The following IER5L variants were observed in gnomAD, a reference collection of about 807,000 sequenced individuals.
IER5L encodes the protein immediate early response gene 5-like protein.
In IER5L, 6 loss-of-function variants were observed where a neutral mutation model predicts 28.3. The ratio of observed to expected loss-of-function variants is 0.21; its 90% confidence interval spans 0.12 to 0.42. IER5L has a LOEUF of 0.42. IER5L is among the 10% of genes least tolerant of loss of function. The pLI, the probability that IER5L is intolerant of heterozygous loss-of-function variation, is 1.00. For synonymous variants in IER5L, 351 were observed against 282.5 expected, an observed-to-expected ratio of 1.24 and a Z score of -2.43; for missense variants, 607 against 575.2, an observed-to-expected ratio of 1.06 and a Z score of -0.56.
rs1028138343 is a variant in IER5L at position 129,178,108 on chromosome 9, T to C, written c.-56A>G. 2.3e-6 allele frequency: 3 copies of C among 1,333,030 alleles called. No individual in the cohort carries two copies. Among genetic ancestry groups the C allele is most frequent in the African/African-American group, 3.1e-5 (2 of 64,908 alleles). The allele number at this position is 1,333,030 out of a possible 1,614,324, so 82.6% of individuals were successfully genotyped here. ...CCGCCGCTGCTGCTGTTAACGCTTC[T>C]GCTGTTTCTGCCTCCAGCCGGCCGC... On this transcript the variant is annotated 5_prime_UTR_variant, in exon 1 of 1. Coordinates refer to ENST00000372491, the MANE Select transcript of IER5L (RefSeq NM_203434.3).
rs1027996347 is a variant in IER5L at position 129,177,610 on chromosome 9, CCCGCGGGCGCTCCGG to C, written c.428_442del (p.Ala143_Ala147del). On this transcript the variant is annotated inframe_deletion, in exon 1 of 1. Coordinates refer to ENST00000372491, the MANE Select transcript of IER5L (RefSeq NM_203434.3). ...CAGCTCCGAGAGCGCCCCCGCGCCG[CCCGCGGGCGCTCCGG>C]CCGCCGCCGCCGCCGCGCAGCCCCT... 7 of 1,061,910 alleles carry C rather than the reference CCCGCGGGCGCTCCGG, an allele frequency of 6.6e-6. No individual in the cohort carries two copies. Among genetic ancestry groups the C allele is most frequent in the East Asian group, 7.7e-5 (1 of 12,916 alleles). 65.8% of individuals were successfully genotyped at this position (1,061,910 alleles called of 1,614,324 possible). A position where few individuals can be genotyped will look rare whatever the true frequency, so the allele number is the denominator to read the frequency against.
rs1829437819 is a variant in IER5L, at chr9:129,177,809, T to C, written c.244A>G (p.Met82Val). 1.3e-6 allele frequency: 2 copies of C among 1,506,884 alleles called. No homozygotes were observed. Among genetic ancestry groups the C allele is most frequent in the Non-Finnish European group, 8.8e-7 (1 of 1,131,760 alleles). 93.3% of individuals were successfully genotyped at this position (1,506,884 alleles called of 1,614,324 possible). The stretch of plus-strand genomic sequence containing the variant: ...CCGAAGTCGGCCGCGCTGGCCGGCA[T>C]GCCCGGCGCCGCGTACGCTAGGTGC... ...HQHLAYAAPG[M>V]PASAADFGPL... The change falls in exon 1 of 1, where the codon ATG (methionine) becomes GTG (valine). Residue 82 changes from methionine to valine, a missense_variant. Met to Val is a conservative substitution (Grantham distance 21). Transcript: ENST00000372491.
chr9:129,176,257 T>C lies in IER5L; in HGVS notation c.*581A>G, dbSNP rs1156659585. The C allele has an allele frequency of 6.6e-6, 1 of 152,192 alleles. No individual in the cohort carries two copies. Among genetic ancestry groups the C allele is most frequent in the Non-Finnish European group, 1.5e-5 (1 of 68,020 alleles). The allele number at this position is 152,192 out of a possible 1,614,324, so 9.4% of individuals were successfully genotyped here. A position where few individuals can be genotyped will look rare whatever the true frequency, so the allele number is the denominator to read the frequency against. On this transcript the variant is annotated 3_prime_UTR_variant, in exon 1 of 1. Transcript: ENST00000372491. The stretch of plus-strand genomic sequence containing the variant: ...TTTCTGCCTTCTCATTTTGAGAACT[T>C]TGGAGTCCGCCCCCAGAGAGGAAAT...
chr9:129,177,212 G>T lies in IER5L; in HGVS notation c.841C>A (p.His281Asn). ...GCGCCCTGGCCACAGCAGGGGCAGT[G>T]GGCGGAGGCGCAGCAGTCCTGGTGC... is the stretch of plus-strand genomic sequence containing the variant. ...YLHQDCCASA[H>N]CPCCGQGAPG... The change falls in exon 1 of 1, where the codon CAC becomes AAC. Residue 281 changes from histidine (H) to asparagine (N), a missense_variant. By Grantham distance (68) the His-to-Asn change is moderately conservative. Coordinates refer to ENST00000372491, the MANE Select transcript of IER5L (RefSeq NM_203434.3). 3 of 1,473,346 alleles carry T rather than the reference G, an allele frequency of 2.0e-6. No homozygotes were observed. The highest frequency in any genetic ancestry group is 2.7e-6 in the Non-Finnish European group (3 of 1,120,610). 91.3% of individuals were successfully genotyped at this position (1,473,346 alleles called of 1,614,324 possible).
In IER5L at chr9:129,177,354, G is replaced by C. The variant is rs532686450; in HGVS notation, c.699C>G (p.Pro233=). 3 of 1,306,394 alleles carry C rather than the reference G, an allele frequency of 2.3e-6. No homozygotes were observed. The highest frequency in any genetic ancestry group is 2.8e-5 in the South Asian group (1 of 35,108). 80.9% of individuals were successfully genotyped at this position (1,306,394 alleles called of 1,614,324 possible). A position where few individuals can be genotyped will look rare whatever the true frequency, so the allele number is the denominator to read the frequency against. ...PPASPAPASS[P]GFYRGAYPTP... is the part of the protein sequence containing the mutation. ...TAGGGTATGCGCCCCGGTAGAAGCC[G>C]GGGGAGGAGGCGGGGGCCGGGGAGG... Residue 233 remains proline, a synonymous_variant, in exon 1 of 1, where the codon CCC becomes CCG. Coordinates refer to ENST00000372491, the MANE Select transcript of IER5L (RefSeq NM_203434.3).
rs1280269363 is a variant in IER5L, at chr9:129,177,857, G to T, written c.196C>A (p.Gln66Lys). The stretch of plus-strand genomic sequence containing the variant: ...TGCTGGTGCTGGTGGTGGGGCGGCT[G>T]CTGCTGTTGCTGCTGCTGCTGGCGC... ...YRRQQQQQQQ[Q>K]PPHHQHQHLA... Residue 66 changes from glutamine to lysine, a missense_variant, in exon 1 of 1, where the codon CAG (glutamine) becomes AAG (lysine). Transcript: ENST00000372491. 6.5e-7 allele frequency: 1 copy of T among 1,540,638 alleles called. No homozygotes were observed. The highest frequency in any genetic ancestry group is 8.7e-7 in the Non-Finnish European group (1 of 1,144,178).
chr9:129,177,356 G>A lies in IER5L; in HGVS notation c.697C>T (p.Pro233Ser). The A allele has an allele frequency of 1.5e-6, 2 of 1,305,578 alleles. No homozygotes were observed. Among genetic ancestry groups the A allele is most frequent in the Non-Finnish European group, 9.7e-7 (1 of 1,026,612 alleles). 80.9% of individuals were successfully genotyped at this position (1,305,578 alleles called of 1,614,324 possible). A position where few individuals can be genotyped will look rare whatever the true frequency, so the allele number is the denominator to read the frequency against. ...PPASPAPASS[P>S]GFYRGAYPTP... ...GGGTATGCGCCCCGGTAGAAGCCGG[G>A]GGAGGAGGCGGGGGCCGGGGAGGCG... Residue 233 changes from proline to serine, a missense_variant, in exon 1 of 1, where the codon CCC (proline) becomes TCC (serine). Physicochemically the swap from Pro to Ser is moderately conservative, Grantham distance 74 (BLOSUM62 -1). Transcript: ENST00000372491.
At position 129,176,686 on chromosome 9, in the gene IER5L, A is replaced by T. The variant is rs1208890083; in HGVS notation, c.*152T>A. On this transcript the variant is annotated 3_prime_UTR_variant, in exon 1 of 1. Transcript: ENST00000372491. The stretch of plus-strand genomic sequence containing the variant: ...TAGATTTCTTTTTTTTTTATTTTAC[A>T]ATTTATAAAACATCAGCCGCCTGCC... 7 of 990,732 alleles carry T rather than the reference A, an allele frequency of 7.1e-6. No individual in the cohort carries two copies. The highest frequency in any genetic ancestry group is 9.4e-6 in the Non-Finnish European group (7 of 742,382). 61.4% of individuals were successfully genotyped at this position (990,732 alleles called of 1,614,324 possible). A position where few individuals can be genotyped will look rare whatever the true frequency, so the allele number is the denominator to read the frequency against.
Position 129,177,445 on chromosome 9 carries a change from C to G in IER5L, c.608G>C (p.Arg203Pro), listed in dbSNP as rs1485388953. The G allele has an allele frequency of 3.4e-6, 4 of 1,162,194 alleles. No homozygotes were observed. Among genetic ancestry groups the G allele is most frequent in the Non-Finnish European group, 3.2e-6 (3 of 944,168 alleles). The allele number at this position is 1,162,194 out of a possible 1,614,324, so 72.0% of individuals were successfully genotyped here. ...APAALCPRDP[R>P]APAACSAPPG... ...GGGCGCGGAGCAGGCGGCCGGGGCG[C>G]GAGGGTCCCGCGGGCAGAGCGCAGC... is the stretch of plus-strand genomic sequence containing the variant. The change falls in exon 1 of 1, where the codon CGC (arginine) becomes CCC (proline). Residue 203 changes from arginine (R) to proline (P), a missense_variant. Arg to Pro is a moderately radical substitution (Grantham distance 103, BLOSUM62 -2). Coordinates refer to ENST00000372491, the MANE Select transcript of IER5L (RefSeq NM_203434.3).
rs1296490457 is a variant in IER5L, at chr9:129,177,509, G to A, written c.544C>T (p.Pro182Ser). ...GGCAGCGGCAGCGGCAGCGGCGCAGGACCCGGCTGCAGAGGCTCCAAGGGC... is the reference window on the plus strand; with the variant it reads ...GGCAGCGGCAGCGGCAGCGGCGCAGAACCCGGCTGCAGAGGCTCCAAGGGC... ...GQPLEPLQPG[P>S]APLPLPLPPP... Residue 182 changes from proline to serine, a missense_variant, in exon 1 of 1, where the codon CCT becomes TCT. Coordinates refer to ENST00000372491, the MANE Select transcript of IER5L (RefSeq NM_203434.3). 9 of 990,956 alleles carry A rather than the reference G, an allele frequency of 9.1e-6. No homozygotes were observed. The highest frequency in any genetic ancestry group is 1.1e-5 in the Non-Finnish European group (9 of 835,888). The allele number at this position is 990,956 out of a possible 1,614,324, so 61.4% of individuals were successfully genotyped here. A position where few individuals can be genotyped will look rare whatever the true frequency, so the allele number is the denominator to read the frequency against.
At position 129,177,902 on chromosome 9, in the gene IER5L, G is replaced by C; in HGVS notation, c.151C>G (p.Arg51Gly). ...RNARQLYLSE[R>G]YAELYRRQQQ... ...TGGCGCCGGTAGAGCTCGGCGTAGC[G>C]CTCGCTCAGGTAGAGCTGGCGCGCG... The change falls in exon 1 of 1, where the codon CGC (arginine) becomes GGC (glycine). Residue 51 changes from arginine to glycine, a missense_variant. Arg to Gly is a moderately radical substitution (Grantham distance 125). Coordinates refer to ENST00000372491, the MANE Select transcript of IER5L (RefSeq NM_203434.3). 6.4e-7 allele frequency: 1 copy of C among 1,553,756 alleles called. No individual in the cohort carries two copies. The highest frequency in any genetic ancestry group is 8.7e-7 in the Non-Finnish European group (1 of 1,150,328).
Position 129,175,982 on chromosome 9 carries a change from A to C in IER5L, c.*856T>G, listed in dbSNP as rs1445221380. ...CCTCCCCCGGGGCCGCCGGGGATCC[A>C]GGTGAAGGAATTGACTTCCTTTTTT... On this transcript the variant is annotated 3_prime_UTR_variant, in exon 1 of 1. Transcript: ENST00000372491. This position sits in a 1 kb window ranked among gnomAD's most constrained non-coding sequence, Gnocchi z 5.2. The C allele has an allele frequency of 6.6e-6, 1 of 152,178 alleles. No individual in the cohort carries two copies. Among genetic ancestry groups the C allele is most frequent in the African/African-American group, 2.4e-5 (1 of 41,436 alleles). 9.4% of individuals were successfully genotyped at this position (152,178 alleles called of 1,614,324 possible). A position where few individuals can be genotyped will look rare whatever the true frequency, so the allele number is the denominator to read the frequency against.
Position 129,177,635 on chromosome 9 carries a change from C to A in IER5L, c.418G>T (p.Ala140Ser). ...CCCGCGGGCGCTCCGGCCGCCGCCG[C>A]CGCCGCGCAGCCCCTGGGCGCCGGG... ...QHPAPRGCAAAAAAGAPAGGA... is the reference protein window; with the variant it reads ...QHPAPRGCAASAAAGAPAGGA... The change falls in exon 1 of 1, where the codon GCG becomes TCG. Residue 140 changes from alanine (A) to serine (S), a missense_variant. Transcript: ENST00000372491. The A allele has an allele frequency of 8.4e-7, 1 of 1,191,930 alleles. No homozygotes were observed. Among genetic ancestry groups the A allele is most frequent in the South Asian group, 3.8e-5 (1 of 26,586 alleles). The allele number at this position is 1,191,930 out of a possible 1,614,324, so 73.8% of individuals were successfully genotyped here. A position where few individuals can be genotyped will look rare whatever the true frequency, so the allele number is the denominator to read the frequency against.
chr9:129,177,790 T>G lies in IER5L; in HGVS notation c.263A>C (p.Asp88Ala). The change falls in exon 1 of 1, where the codon GAC becomes GCC. Residue 88 changes from aspartate to alanine, a missense_variant. By Grantham distance (126) the Asp-to-Ala change is moderately radical. Coordinates refer to ENST00000372491, the MANE Select transcript of IER5L (RefSeq NM_203434.3). ...GCCGCCAAGTTGGAGCGGGCCGAAG[T>G]CGGCCGCGCTGGCCGGCATGCCCGG... Reference protein sequence around the residue: ...AAPGMPASAADFGPLQLGGGG... With the variant: ...AAPGMPASAAAFGPLQLGGGG... 2.0e-6 allele frequency: 3 copies of G among 1,490,188 alleles called. No homozygotes were observed. Among genetic ancestry groups the G allele is most frequent in the Non-Finnish European group, 2.7e-6 (3 of 1,125,410 alleles). 92.3% of individuals were successfully genotyped at this position (1,490,188 alleles called of 1,614,324 possible).
Position 129,176,976 on chromosome 9 carries a change from G to T in IER5L, c.1077C>A (p.Ile359=). The change falls in exon 1 of 1, where the codon ATC becomes ATA. Residue 359 remains isoleucine, a synonymous_variant. Coordinates refer to ENST00000372491, the MANE Select transcript of IER5L (RefSeq NM_203434.3). ...CCAGCCCCGAGAAGCCGGAGCCAAAGATGGAGATCAAGTTTGAGATGTTGG... is the reference window on the plus strand; with the variant it reads ...CCAGCCCCGAGAAGCCGGAGCCAAATATGGAGATCAAGTTTGAGATGTTGG... ...DASNISNLIS[I]FGSGFSGLVS... 1 of 1,603,250 alleles carries T rather than the reference G, an allele frequency of 6.2e-7. No individual in the cohort carries two copies. Among genetic ancestry groups the T allele is most frequent in the Non-Finnish European group, 8.5e-7 (1 of 1,176,194 alleles).
At position 129,176,666 on chromosome 9, in the gene IER5L, T is replaced by G; in HGVS notation, c.*172A>C. 1.1e-6 allele frequency: 1 copy of G among 923,584 alleles called. No individual in the cohort carries two copies. Among genetic ancestry groups the G allele is most frequent in the Non-Finnish European group, 1.5e-6 (1 of 681,788 alleles). 57.2% of individuals were successfully genotyped at this position (923,584 alleles called of 1,614,324 possible). A position where few individuals can be genotyped will look rare whatever the true frequency, so the allele number is the denominator to read the frequency against. On this transcript the variant is annotated 3_prime_UTR_variant, in exon 1 of 1. Coordinates refer to ENST00000372491, the MANE Select transcript of IER5L (RefSeq NM_203434.3). ...AAAAATAAAGTCCAAGATTTTAGAT[T>G]TCTTTTTTTTTTATTTTACAATTTA...
chr9:129,177,963 C>T lies in IER5L; in HGVS notation c.90G>A (p.Leu30=). 1.9e-6 allele frequency: 3 copies of T among 1,591,776 alleles called. No individual in the cohort carries two copies. Among genetic ancestry groups the T allele is most frequent in the Non-Finnish European group, 2.6e-6 (3 of 1,170,844 alleles). The change falls in exon 1 of 1, where the codon CTG becomes CTA. Residue 30 remains leucine, a synonymous_variant. Transcript: ENST00000372491. The part of the protein sequence containing the change: ...SSRTQRGGIK[L]HKNLLVSYVL... Reference sequence around the variant, plus strand: ...CGTAGGACACCAGGAGGTTCTTGTGCAGCTTGATGCCGCCGCGCTGGGTTC... The same window carrying T: ...CGTAGGACACCAGGAGGTTCTTGTGTAGCTTGATGCCGCCGCGCTGGGTTC...
At position 129,177,300 on chromosome 9, in the gene IER5L, G is replaced by T; in HGVS notation, c.753C>A (p.Ser251Arg). Residue 251 changes from serine (S) to arginine (R), a missense_variant, in exon 1 of 1, where the codon AGC becomes AGA. Physicochemically the swap from Ser to Arg is moderately radical, Grantham distance 110. Transcript: ENST00000372491. ...PTPSDFGLHC[S>R]SQTTVLDLDT... ...CTAGGTCCAGCACGGTGGTCTGGCT[G>T]CTGCAGTGCAAGCCGAAGTCCGAAG... 6.9e-7 allele frequency: 1 copy of T among 1,443,858 alleles called. No homozygotes were observed. The highest frequency in any genetic ancestry group is 1.5e-5 in the South Asian group (1 of 66,984). 89.4% of individuals were successfully genotyped at this position (1,443,858 alleles called of 1,614,324 possible).
In IER5L at chr9:129,176,702, G is replaced by T; in HGVS notation, c.*136C>A. The T allele has an allele frequency of 9.2e-7, 1 of 1,090,130 alleles. No homozygotes were observed. The highest frequency in any genetic ancestry group is 1.2e-6 in the Non-Finnish European group (1 of 827,902). The allele number at this position is 1,090,130 out of a possible 1,614,324, so 67.5% of individuals were successfully genotyped here. ...TTATTTTACAATTTATAAAACATCA[G>T]CCGCCTGCCCCCGCTCGCCCCCAGC... On this transcript the variant is annotated 3_prime_UTR_variant, in exon 1 of 1. Transcript: ENST00000372491.
Sources: allele counts gnomAD v4.1 joint callset, GRCh38; gene constraint gnomAD v4.1.1; non-coding constraint Gnocchi (gnomAD v3.1); transcripts MANE v1.5; gene names NCBI Gene and HGNC (gene_info 2026-07-23, HGNC 2026-07-21).